ARHGAP24: variants seen among roughly 807,000 people sequenced by gnomAD.
ARHGAP24 encodes the protein Rho GTPase activating protein 24, also known as rho GTPase-activating protein 24.
A neutral mutation model predicts 76.4 loss-of-function variants in ARHGAP24; 50 were observed. That is an observed-to-expected ratio of 0.65 (90% CI 0.52 to 0.83). ARHGAP24 has a LOEUF of 0.83. ARHGAP24 is among the 40% of genes least tolerant of loss of function. The probability of loss-of-function intolerance (pLI) is 0.00; values close to 1 mark genes in which losing one functional copy is unlikely to be tolerated. For synonymous variants in ARHGAP24, 345 were observed against 323.3 expected (o/e 1.07, Z -0.72); for missense variants, 930 against 914.2 (o/e 1.02, Z -0.22).
At chr4:85,874,885 T>A (rs1166430688) in intron 3 of ARHGAP24, among the ~76,000 whole-genome samples, 16 of 104,562 alleles carry the variant, frequency 1.5e-4, no homozygotes, top group Non-Finnish European at 6.8e-5. Flanking sequence ...AATTTATATA[T>A]AAATATATTT....
chr4:85,731,163 C>CTA (rs1327949381), intron 3 of ARHGAP24, among the ~76,000 whole-genome samples: 61 of 81,870 alleles, frequency 7.5e-4, no homozygotes, highest in African/African-American at 2.4e-3. Flanking sequence ...GCCCACAAAA[C>CTA]CACCTTCTTA....
chr4:85,910,157 G>T (rs533087733), intron 3 of ARHGAP24, among the ~76,000 whole-genome samples: 1 of 152,298 alleles, frequency 6.6e-6, no homozygotes, highest in African/African-American at 2.4e-5. Flanking sequence ...CAGCTTCACT[G>T]GCTGGCACCG....
chr4:85,646,452 A>G (rs1721725551), intron 2 of ARHGAP24, among the ~76,000 whole-genome samples: 1 of 152,042 alleles, frequency 6.6e-6, no homozygotes, highest in South Asian at 2.1e-4. Flanking sequence ...AATTAGTTCA[A>G]TTTCCCATTC....
At chr4:85,630,981 A>T (rs1721139354) in intron 2 of ARHGAP24, among the ~76,000 whole-genome samples, 1 of 151,964 alleles carries the variant, frequency 6.6e-6, no homozygotes, top group Non-Finnish European at 1.5e-5. Flanking sequence ...ACTGCCATAC[A>T]CACACGTATA....
intron 2 of ARHGAP24, among the ~76,000 whole-genome samples, chr4:85,697,495 A>G (rs1578148966): frequency 6.6e-6 from 1 of 151,478 alleles, no homozygotes; most frequent in East Asian, 1.9e-4. Flanking sequence ...TTAAAGTATA[A>G]TAATAATAAA....
At chr4:85,640,162 C>T (rs1036261110) in intron 2 of ARHGAP24, among the ~76,000 whole-genome samples, 1 of 152,116 alleles carries the variant, frequency 6.6e-6, no homozygotes, top group Admixed American at 6.5e-5. Flanking sequence ...GGCCGTTAGC[C>T]ACCTGCCTTA....
chr4:85,771,935 CT>C (rs1299239803), intron 3 of ARHGAP24, among the ~76,000 whole-genome samples: 8 of 152,140 alleles, frequency 5.3e-5, no homozygotes, highest in African/African-American at 1.4e-4. Flanking sequence ...TCTTGAACTC[CT>C]GACCTTAAGT....
At chr4:85,706,533 C>T (rs918397636) in intron 2 of ARHGAP24, among the ~76,000 whole-genome samples, 14 of 151,604 alleles carry the variant, frequency 9.2e-5, no homozygotes, top group African/African-American at 3.1e-4. Flanking sequence ...CCCTGAAACA[C>T]GTGCTTTTCA....
At chr4:85,897,497 A>G (rs1040651142) in intron 3 of ARHGAP24, among the ~76,000 whole-genome samples, 2 of 152,182 alleles carry the variant, frequency 1.3e-5, no homozygotes, top group Non-Finnish European at 2.9e-5. Context: ...ACTAATTTCT[A>G]AAAAAGAAGC....
At chr4:85,498,373 A>G (rs1450417508) in intron 1 of ARHGAP24, among the ~76,000 whole-genome samples, 1 of 152,200 alleles carries the variant, frequency 6.6e-6, no homozygotes, top group African/African-American at 2.4e-5. Flanking sequence ...ACTAGAGAGA[A>G]AGCAGACTGA....
intron 2 of ARHGAP24, among the ~76,000 whole-genome samples, chr4:85,693,102 C>T (rs537562053): frequency 1.3e-5 from 2 of 152,246 alleles, no homozygotes; most frequent in Admixed American, 6.5e-5. Context: ...GACTGTGATC[C>T]AGTAGATGGC....
chr4:85,983,083 C>T (rs1184976182), intron 8 of ARHGAP24, among the ~76,000 whole-genome samples: 2 of 152,172 alleles, frequency 1.3e-5, no homozygotes, highest in Admixed American at 6.5e-5. Context: ...ATCCATGTCC[C>T]TGCAAAGGAC....
chr4:85,938,459 G>A (rs1206040553), intron 4 of ARHGAP24, among the ~76,000 whole-genome samples: 6 of 152,132 alleles, frequency 3.9e-5, no homozygotes, highest in Non-Finnish European at 8.8e-5. Context: ...CTCCCTCAAG[G>A]AAATTTTTAA....
intron 2 of ARHGAP24, among the ~76,000 whole-genome samples, chr4:85,667,290 G>T (rs990591000): frequency 1.9e-4 from 29 of 152,174 alleles, no homozygotes; most frequent in African/African-American, 6.0e-4. Flanking sequence ...ATGGGCATAG[G>T]ACCCTCTGAG....
intron 4 of ARHGAP24, among the ~76,000 whole-genome samples, chr4:85,927,420 G>A (rs965905289): frequency 1.3e-4 from 20 of 152,264 alleles, no homozygotes; most frequent in African/African-American, 4.8e-4. Flanking sequence ...CTGTGGTAAT[G>A]GTTGCAAGTA....
intron 3 of ARHGAP24, among the ~76,000 whole-genome samples, chr4:85,777,999 G>A (rs1414632701): frequency 6.6e-6 from 1 of 152,146 alleles, no homozygotes; most frequent in Admixed American, 6.6e-5. Flanking sequence ...AATCTTGATA[G>A]ATTGAAAGTG....
intron 1 of ARHGAP24, among the ~76,000 whole-genome samples, chr4:85,490,781 A>G (rs545515464): frequency 5.8e-4 from 89 of 152,192 alleles, no homozygotes; most frequent in Non-Finnish European, 1.1e-3. Context: ...TATTTGATGG[A>G]ATCAAAAAGA....
intron 2 of ARHGAP24, among the ~76,000 whole-genome samples, chr4:85,682,600 G>C (rs1723247423): frequency 6.6e-6 from 1 of 152,198 alleles, no homozygotes; most frequent in Non-Finnish European, 1.5e-5. Context: ...CCTCCAGAGA[G>C]ATAATTCAAG....
intron 2 of ARHGAP24, among the ~76,000 whole-genome samples, chr4:85,589,005 A>C (rs1435927886): frequency 6.6e-6 from 1 of 152,234 alleles, no homozygotes; most frequent in Non-Finnish European, 1.5e-5. Context: ...CTGCAAGGTG[A>C]AACTTGTAGG....
Sources: gnomAD v4.1 joint callset for allele counts (sites outside exome capture counted in the v4.1 genomes callset) on GRCh38, gnomAD v4.1.1 for gene constraint, MANE v1.5 for transcripts, NCBI Gene and HGNC (gene_info 2026-07-23, HGNC 2026-07-21) for gene names.